POU2F3: variants seen among roughly 807,000 people sequenced by gnomAD.
POU2F3 encodes POU class 2 homeobox 3, also known as POU domain, class 2, transcription factor 3.
In POU2F3, 23 loss-of-function variants were observed where a neutral mutation model predicts 59.2. The observed-to-expected ratio is 0.39, with a 90% CI of 0.28 to 0.55. The LOEUF is 0.55. Ranked by LOEUF, POU2F3 falls within the 20% of genes least tolerant of loss-of-function variation. The pLI is 0.66. For missense variants in POU2F3, 473 were observed against 544.5 expected, an observed-to-expected ratio of 0.87 and a Z score of 1.31; for synonymous variants, 190 against 214.6, an observed-to-expected ratio of 0.89 and a Z score of 1.00.
chr11:120,315,418 C>G lies in POU2F3; in HGVS notation c.1126C>G (p.Pro376Ala). Residue 376 changes from proline (P) to alanine (A), a missense_variant, in exon 11 of 13, where the codon CCT (proline) becomes GCT (alanine). Pro to Ala is a conservative substitution (Grantham distance 27, BLOSUM62 -1). Transcript: ENST00000543440. ...LSVPPVHSTMPGTVTSSCSPG... is the reference protein window; with the variant it reads ...LSVPPVHSTMAGTVTSSCSPG... ...TGTCCCTCCTGTCCACAGTACCATG[C>G]CTGGAACAGGTGAGCTTTAAAATGA... The G allele has an allele frequency of 6.2e-7, 1 of 1,612,848 alleles. No individual in the cohort carries two copies. Among genetic ancestry groups the G allele is most frequent in the Non-Finnish European group, 8.5e-7 (1 of 1,178,842 alleles).
chr11:120,292,356 C>CAA (rs138222063), intron 3 of POU2F3, among the ~76,000 whole-genome samples: 4 of 148,994 alleles, frequency 2.7e-5, no homozygotes, highest in African/African-American at 7.4e-5. Flanking sequence ...TGTTAAAAAA[C>CAA]AAAAAAAACA....
rs529868717 is a variant in POU2F3 at position 120,298,509 on chromosome 11, T to C, written c.258+119T>C. 5.7e-6 allele frequency: 8 copies of C among 1,397,808 alleles called. No homozygotes were observed. In the Admixed American group the frequency reaches 1.5e-4, roughly 26 times the overall value. The allele number at this position is 1,397,808 out of a possible 1,614,324, so 86.6% of individuals were successfully genotyped here. On this transcript the variant is annotated intron_variant, in intron 4 of 12. Transcript: ENST00000543440. ...CCCTGCAGGCAATGTGGGAAAGAGA[T>C]CTGGAGGCTGTGAGTAGGGTTCTAA...
intron 2 of POU2F3, among the ~76,000 whole-genome samples, chr11:120,258,114 C>A (rs1275971807): frequency 6.6e-6 from 1 of 152,230 alleles, no homozygotes; most frequent in Non-Finnish European, 1.5e-5. Context: ...CCCCTCTGAG[C>A]TGCACTAAGC....
chr11:120,293,829 C>T (rs764737444), intron 3 of POU2F3, among the ~76,000 whole-genome samples: 11 of 152,160 alleles, frequency 7.2e-5, no homozygotes, highest in Non-Finnish European at 1.3e-4. Context: ...CAGAAGACCA[C>T]CTTTTCCGTC....
intron 3 of POU2F3, 64 bp downstream of exon 3, chr11:120,269,308 G>T: frequency 7.6e-7 from 1 of 1,315,910 alleles, no homozygotes; most frequent in South Asian, 1.2e-5. Context: ...TATACTGTCT[G>T]GTATGGAGGA....
chr11:120,254,583 G>A (rs552527337), intron 2 of POU2F3, among the ~76,000 whole-genome samples: 20 of 152,188 alleles, frequency 1.3e-4, no homozygotes, highest in Non-Finnish European at 2.4e-4. Flanking sequence ...GGAAAAGCAG[G>A]AGCCCTTCCT....
At chr11:120,293,756 C>T (rs1941109006) in intron 3 of POU2F3, among the ~76,000 whole-genome samples, 1 of 152,142 alleles carries the variant, frequency 6.6e-6, no homozygotes, top group Non-Finnish European at 1.5e-5. Context: ...CCAGCCTCAC[C>T]ATGCCCCATT....
chr11:120,299,560 G>A, intron 4 of POU2F3, 64 bp from the exon 5 acceptor site: 1 of 1,449,986 alleles, frequency 6.9e-7, no homozygotes, highest in Non-Finnish European at 9.5e-7. Context: ...CGAGTGGCAG[G>A]CAGATGGGGC....
intron 2 of POU2F3, among the ~76,000 whole-genome samples, chr11:120,253,407 G>A (rs960376594): frequency 5.3e-5 from 8 of 152,052 alleles, no homozygotes; most frequent in East Asian, 3.9e-4. Flanking sequence ...CTACAGGCAT[G>A]TGCCACCATG....
intron 10 of POU2F3, among the ~76,000 whole-genome samples, chr11:120,310,698 G>A (rs922907245): frequency 1.3e-5 from 2 of 152,176 alleles, no homozygotes; most frequent in African/African-American, 4.8e-5. Context: ...TGTAAGATGG[G>A]TGAAATGCAG....
At chr11:120,315,221 G>C in intron 10 of POU2F3, 140 bp from the exon 11 acceptor site, 2 of 748,208 alleles carry the variant, frequency 2.7e-6, no homozygotes, top group Non-Finnish European at 4.5e-6. Flanking sequence ...TAGAAAGGAG[G>C]ATGGCATGTA....
chr11:120,297,394 C>T (rs1363240368), intron 3 of POU2F3, among the ~76,000 whole-genome samples: 1 of 152,204 alleles, frequency 6.6e-6, no homozygotes, highest in Non-Finnish European at 1.5e-5. Flanking sequence ...CAGGCTGTAA[C>T]TACAGCATTG....
chr11:120,266,974 A>G (rs1939850236), intron 2 of POU2F3, among the ~76,000 whole-genome samples: 1 of 152,208 alleles, frequency 6.6e-6, no homozygotes, highest in South Asian at 2.1e-4. Context: ...TCTTTTGTCA[A>G]GTCTTTGAAC....
At position 120,240,187 on chromosome 11, in the gene POU2F3, G is replaced by A; in HGVS notation, c.-157G>A. ...CGAGTGTTGCCCGGGCCGGAGCAGC[G>A]GAGCGCGCGACAGTGGCGGCGACGG... On this transcript the variant is annotated 5_prime_UTR_variant, in exon 1 of 13. Transcript: ENST00000543440. 1 of 1,230,064 alleles carries A rather than the reference G, an allele frequency of 8.1e-7. No individual in the cohort carries two copies. Among genetic ancestry groups the A allele is most frequent in the Middle Eastern group, 3.2e-4 (1 of 3,140 alleles). 76.2% of individuals were successfully genotyped at this position (1,230,064 alleles called of 1,614,324 possible).
intron 11 of POU2F3, among the ~76,000 whole-genome samples, chr11:120,315,665 A>G (rs1941765301): frequency 6.6e-6 from 1 of 152,186 alleles, no homozygotes; most frequent in African/African-American, 2.4e-5. Context: ...ACTTCTAAGC[A>G]CTTAGGTGCA....
intron 2 of POU2F3, among the ~76,000 whole-genome samples, chr11:120,250,663 C>G (rs184112837): frequency 6.6e-6 from 1 of 152,212 alleles, no homozygotes; most frequent in African/African-American, 2.4e-5. Flanking sequence ...CGTAGAGAAC[C>G]AGGGACAGGG....
chr11:120,255,313 C>T (rs966978826), intron 2 of POU2F3, among the ~76,000 whole-genome samples: 1 of 152,148 alleles, frequency 6.6e-6, no homozygotes, highest in South Asian at 2.1e-4. Context: ...AGGGGGCTTG[C>T]CTTCCCTTCA....
intron 2 of POU2F3, among the ~76,000 whole-genome samples, chr11:120,258,104 C>T (rs980883951): frequency 8.5e-5 from 13 of 152,208 alleles, no homozygotes; most frequent in Non-Finnish European, 1.8e-4. Flanking sequence ...TCCACACGCG[C>T]CCCTCTGAGC....
rs1941474296 is a variant in POU2F3, at chr11:120,305,912, C to T, written c.769+127C>T. 6 of 1,200,576 alleles carry T rather than the reference C, an allele frequency of 5.0e-6. 1 individual carries two copies. Among genetic ancestry groups the T allele is most frequent in the South Asian group, 4.6e-5 (3 of 65,088 alleles). 74.4% of individuals were successfully genotyped at this position (1,200,576 alleles called of 1,614,324 possible). On this transcript the variant is annotated intron_variant, in intron 8 of 12. Coordinates refer to ENST00000543440, the MANE Select transcript of POU2F3 (RefSeq NM_014352.4). ...CCCCTTCTTCTCCTGAGACTGGAGC[C>T]GATGGAGAAACAAGACACAGGACAC...
Sources: gnomAD v4.1 joint callset for allele counts (sites outside exome capture counted in the v4.1 genomes callset) on GRCh38, gnomAD v4.1.1 for gene constraint, MANE v1.5 for transcripts, NCBI Gene and HGNC (gene_info 2026-07-23, HGNC 2026-07-21) for gene names.